CADPS: variants seen among roughly 807,000 people sequenced by gnomAD.
The protein encoded by CADPS is calcium-dependent secretion activator 1.
CADPS carries 57 observed loss-of-function variants against 167.3 expected under a neutral mutation model. The ratio of observed to expected loss-of-function variants is 0.34; its 90% CI spans 0.28 to 0.42. The LOEUF (loss-of-function observed/expected upper bound fraction) is 0.42. CADPS is among the 20% of genes least tolerant of loss of function. CADPS has a pLI of 1.00. For synonymous variants in CADPS, 676 were observed against 635.3 expected (o/e 1.06, Z -0.96); for missense variants, 1,414 against 1,738.1 (o/e 0.81, Z 3.32).
chr3:62,444,572 G>A (rs1016464950), intron 27 of CADPS, among the ~76,000 whole-genome samples: 2 of 152,168 alleles, frequency 1.3e-5, no homozygotes, highest in Non-Finnish European at 2.9e-5. Context: ...AGTTATGTGA[G>A]CTTTTTCTAT....
At chr3:62,723,455 G>T (rs970419154) in intron 3 of CADPS, among the ~76,000 whole-genome samples, 19 of 152,094 alleles carry the variant, frequency 1.2e-4, no homozygotes, top group Non-Finnish European at 1.9e-4. Context: ...GGCATGTGGG[G>T]CTCACCTCTG....
At chr3:62,723,573 A>G (rs2076198305) in intron 3 of CADPS, among the ~76,000 whole-genome samples, 1 of 152,212 alleles carries the variant, frequency 6.6e-6, no homozygotes, top group South Asian at 2.1e-4. Context: ...TTATCAGGCT[A>G]AATAGGAAAA....
At chr3:62,825,539 T>C (rs989365090) in intron 1 of CADPS, among the ~76,000 whole-genome samples, 3 of 152,138 alleles carry the variant, frequency 2.0e-5, no homozygotes, top group African/African-American at 7.2e-5. Flanking sequence ...AACCTCAGAA[T>C]ACCTTATGGA....
intron 1 of CADPS, among the ~76,000 whole-genome samples, chr3:62,824,346 A>G (rs887512246): frequency 2.0e-5 from 3 of 152,184 alleles, no homozygotes; most frequent in African/African-American, 7.2e-5. Flanking sequence ...TTGTGGCAGC[A>G]ACAGATTTAA....
chr3:62,441,321 A>C (rs2056272846), intron 27 of CADPS, among the ~76,000 whole-genome samples: 4 of 152,194 alleles, frequency 2.6e-5, no homozygotes, highest in Admixed American at 2.6e-4. Flanking sequence ...GGAAGACATA[A>C]TTTGTGAATA....
At chr3:62,870,846 C>T (rs1338957329) in intron 1 of CADPS, among the ~76,000 whole-genome samples, 1 of 152,146 alleles carries the variant, frequency 6.6e-6, no homozygotes, top group Non-Finnish European at 1.5e-5. Flanking sequence ...CACCCATCAC[C>T]GTTACTACAT....
chr3:62,850,020 C>T (rs1472149213), intron 1 of CADPS, among the ~76,000 whole-genome samples: 16 of 112,788 alleles, frequency 1.4e-4, no homozygotes, highest in African/African-American at 2.4e-4. Flanking sequence ...GTGTATGTGT[C>T]GAGGAATGTA....
intron 17 of CADPS, among the ~76,000 whole-genome samples, chr3:62,504,517 G>T (rs899221599): frequency 6.6e-6 from 1 of 152,186 alleles, no homozygotes; most frequent in African/African-American, 2.4e-5. Flanking sequence ...GCGCCTCTGG[G>T]TTGATCTGTC....
intron 1 of CADPS, among the ~76,000 whole-genome samples, chr3:62,833,782 G>A (rs558271976): frequency 8.5e-5 from 13 of 152,100 alleles, no homozygotes; most frequent in Non-Finnish European, 1.9e-4. Flanking sequence ...CCAAAACAGA[G>A]TGTCTCCATC....
chr3:62,617,800 T>C (rs1367663692), intron 6 of CADPS, among the ~76,000 whole-genome samples: 1 of 151,980 alleles, frequency 6.6e-6, no homozygotes, highest in Non-Finnish European at 1.5e-5. Context: ...AACCTGTAGG[T>C]TGGGTAGGAT....
In CADPS at chr3:62,875,141, T is replaced by C. The variant is rs1472387833; in HGVS notation, c.-112A>G. 9.4e-6 allele frequency: 12 copies of C among 1,278,124 alleles called. No homozygotes were observed. The Admixed American group carries it at 1.5e-4, about 16-fold the overall frequency. 79.2% of individuals were successfully genotyped at this position (1,278,124 alleles called of 1,614,324 possible). The stretch of plus-strand genomic sequence containing the variant: ...TCCCGGGTGGGCGCTTCTCCCCAGG[T>C]CAGGGAGCGAGAGCGCTGCTGCTCA... On this transcript the variant is annotated 5_prime_UTR_variant, in exon 1 of 30. Transcript: ENST00000383710.
At chr3:62,743,768 T>C (rs553173058) in intron 3 of CADPS, among the ~76,000 whole-genome samples, 2 of 152,302 alleles carry the variant, frequency 1.3e-5, no homozygotes, top group East Asian at 1.9e-4. Flanking sequence ...CTCCATTGAA[T>C]AGATGCGTCC....
chr3:62,562,664 G>A (rs1240031403), intron 9 of CADPS, among the ~76,000 whole-genome samples: 2 of 152,192 alleles, frequency 1.3e-5, no homozygotes, highest in Non-Finnish European at 2.9e-5. Context: ...ATGTGTGCAT[G>A]CAGGCCATTC....
intron 28 of CADPS, among the ~76,000 whole-genome samples, chr3:62,426,589 G>A (rs1419069365): frequency 6.6e-6 from 1 of 152,206 alleles, no homozygotes; most frequent in African/African-American, 2.4e-5. Flanking sequence ...AATTCAAAAA[G>A]CTACCTACTG....
intron 8 of CADPS, among the ~76,000 whole-genome samples, chr3:62,578,274 A>T (rs1440171497): frequency 1.3e-5 from 2 of 151,348 alleles, no homozygotes; most frequent in African/African-American, 2.4e-5. Flanking sequence ...ACTGCTGGGG[A>T]TCAAGAAGAT....
chr3:62,867,669 T>C (rs1484139226), intron 1 of CADPS, among the ~76,000 whole-genome samples: 2 of 152,098 alleles, frequency 1.3e-5, no homozygotes, highest in East Asian at 3.9e-4. Flanking sequence ...ATAATGAATA[T>C]AAGGCTTGTG....
In CADPS at chr3:62,545,849, T is replaced by C. The variant is rs563859377; in HGVS notation, c.1966+4054A>G. Reference sequence around the variant, plus strand: ...CATGACAAGACTGGAGTGTTTCTTTTTCTCTACCCCAAAAATATTTCTATA... The same window carrying C: ...CATGACAAGACTGGAGTGTTTCTTTCTCTCTACCCCAAAAATATTTCTATA... On this transcript the variant is annotated intron_variant, in intron 11 of 29. Transcript: ENST00000383710. 2.6e-5 allele frequency among the ~76,000 whole-genome samples: 4 copies of C among 152,294 alleles called. No homozygotes were observed. In the South Asian group the frequency reaches 8.3e-4, roughly 32 times the overall value.
chr3:62,566,120 G>A (rs779456285), intron 9 of CADPS, among the ~76,000 whole-genome samples: 4 of 152,192 alleles, frequency 2.6e-5, no homozygotes, highest in Non-Finnish European at 2.9e-5. Flanking sequence ...CAAAGATTCC[G>A]TAAGTCACTT....
chr3:62,849,147 A>C (rs2078051967), intron 1 of CADPS, among the ~76,000 whole-genome samples: 2 of 151,292 alleles, frequency 1.3e-5, no homozygotes, highest in South Asian at 4.2e-4. Context: ...ACTTTGCTGA[A>C]GTTGCTTATC....
Sources: gnomAD v4.1 joint callset for allele counts (sites outside exome capture counted in the v4.1 genomes callset) on GRCh38, gnomAD v4.1.1 for gene constraint, MANE v1.5 for transcripts, NCBI Gene and HGNC (gene_info 2026-07-23, HGNC 2026-07-21) for gene names.